Variants in EEF1E1 observed in about 807,000 individuals in gnomAD.
EEF1E1 encodes eukaryotic translation elongation factor 1 epsilon 1.
In EEF1E1, 19 loss-of-function variants were observed where a neutral mutation model predicts 19.9. The observed-to-expected ratio is 0.95, with a 90% confidence interval of 0.66 to 1.40. The LOEUF (loss-of-function observed/expected upper bound fraction) is 1.40. Among genes scored for constraint, EEF1E1 ranks in the 40% most tolerant of loss-of-function variants. The probability of loss-of-function intolerance (pLI) is 0.00; values close to 1 mark genes in which losing one functional copy is unlikely to be tolerated. For synonymous variants in EEF1E1, 81 were observed against 80.0 expected (o/e 1.01, Z -0.07); for missense variants, 198 against 202.2 (o/e 0.98, Z 0.13).
chr6:8,092,210 A>AG (rs1046401043), intron 2 of EEF1E1, among the ~76,000 whole-genome samples: 16 of 152,286 alleles, frequency 1.1e-4, no homozygotes, highest in African/African-American at 3.8e-4. Flanking sequence ...AAATTTGGGG[A>AG]GGGGGAGTCA....
rs568579645 is a variant in EEF1E1, at chr6:8,102,337, A to G, written c.87+98T>C. The G allele has an allele frequency of 9.0e-5, 112 of 1,247,204 alleles. No homozygotes were observed. In the African/African-American group the frequency reaches 1.5e-3, roughly 16 times the overall value. 77.3% of individuals were successfully genotyped at this position (1,247,204 alleles called of 1,614,324 possible). On this transcript the variant is annotated intron_variant, in intron 1 of 3. Coordinates refer to ENST00000379715, the MANE Select transcript of EEF1E1 (RefSeq NM_004280.5). ...TGGGGAGCTGGGTAGCAGCATCCTCACTCCGCCCGTATCTGGTGGCCGGCC... is the reference window on the plus strand; with the variant it reads ...TGGGGAGCTGGGTAGCAGCATCCTCGCTCCGCCCGTATCTGGTGGCCGGCC...
At chr6:8,101,243 A>AAAAAAAAATAT (rs1271033598) in intron 1 of EEF1E1, among the ~76,000 whole-genome samples, 10 of 58,472 alleles carry the variant, frequency 1.7e-4, no homozygotes, top group African/African-American at 7.9e-4. Context: ...AAAAAAAAAA[A>AAAAAAAAATAT]ATATATATAT....
intron 3 of EEF1E1, among the ~76,000 whole-genome samples, chr6:8,084,916 C>G (rs9379164): frequency 0.48 from 73,573 of 151,894 alleles, 17,982 homozygotes; most frequent in Admixed American, 0.53. Context: ...CTTTACCTTG[C>G]AGGCTTTTTT....
intron 1 of EEF1E1, among the ~76,000 whole-genome samples, chr6:8,097,752 C>T (rs929255028): frequency 4.6e-5 from 7 of 152,058 alleles, no homozygotes; most frequent in African/African-American, 1.4e-4. Context: ...AAACTATGTA[C>T]AATGAGAGAA....
At chr6:8,084,482 A>T (rs1404349620) in intron 3 of EEF1E1, among the ~76,000 whole-genome samples, 2 of 152,246 alleles carry the variant, frequency 1.3e-5, no homozygotes, top group African/African-American at 4.8e-5. Context: ...AGAAAATTTA[A>T]TTAAACACTT....
chr6:8,073,464 A>G, exon 4 of EEF1E1: 1 of 1,551,424 alleles, frequency 6.4e-7, no homozygotes. Flanking sequence ...AGTTCCTTGT[A>G]TGATGTTGGG....
intron 3 of EEF1E1, among the ~76,000 whole-genome samples, chr6:8,083,274 G>A (rs1014375191): frequency 2.6e-5 from 4 of 152,254 alleles, no homozygotes; most frequent in African/African-American, 4.8e-5. Flanking sequence ...TGCCGCCTTT[G>A]GGACATTCTT....
chr6:8,090,259 T>C lies in EEF1E1; in HGVS notation c.311A>G (p.Asp104Gly). The C allele has an allele frequency of 2.0e-6, 3 of 1,488,022 alleles. No individual in the cohort carries two copies. Among genetic ancestry groups the C allele is most frequent in the Non-Finnish European group, 2.7e-6 (3 of 1,127,276 alleles). The allele number at this position is 1,488,022 out of a possible 1,614,324, so 92.2% of individuals were successfully genotyped here. A position where few individuals can be genotyped will look rare whatever the true frequency, so the allele number is the denominator to read the frequency against. ...LLKDLNSYLE[D>G]KVYLTGYNFT... Reference sequence around the variant, plus strand: ...GTTATACCCTGTAAGGTAGACTTTATCTTCAAGATATGAATTAAGATCCTA... The same window carrying C: ...GTTATACCCTGTAAGGTAGACTTTACCTTCAAGATATGAATTAAGATCCTA... The change falls in exon 3 of 4, where the codon GAT (aspartate) becomes GGT (glycine). Residue 104 changes from aspartate (D) to glycine (G), a missense_variant. Physicochemically the swap from Asp to Gly is moderately conservative, Grantham distance 94 (BLOSUM62 -1). Transcript: ENST00000379715.
chr6:8,097,206 G>A lies in EEF1E1; in HGVS notation c.288+61C>T. On this transcript the variant is annotated intron_variant, in intron 2 of 3. Transcript: ENST00000379715. ...CAACAGCTACAGCTTTTTAATCTCAGGGGAAAGAGATTTCTGATTAACAGT... is the reference window on the plus strand; with the variant it reads ...CAACAGCTACAGCTTTTTAATCTCAAGGGAAAGAGATTTCTGATTAACAGT... 3 of 1,519,882 alleles carry A rather than the reference G, an allele frequency of 2.0e-6. 1 individual carries two copies. The South Asian group carries it at 3.4e-5, about 17-fold the overall frequency. 94.1% of individuals were successfully genotyped at this position (1,519,882 alleles called of 1,614,324 possible).
downstream of EEF1E1, among the ~76,000 whole-genome samples, chr6:8,076,535 G>A (rs1452947609): frequency 2.0e-5 from 3 of 151,974 alleles, no homozygotes; most frequent in Non-Finnish European, 4.4e-5. Flanking sequence ...GTGTTAGCCA[G>A]GATGGTCTAA....
At position 8,097,282 on chromosome 6, in the gene EEF1E1, G is replaced by C; in HGVS notation, c.273C>G (p.Ile91Met). ...QVDGHSSKND[I>M]HTLLKDLNSY... is the part of the protein sequence containing the mutation. ...GTCACGATACCTTCAACAGTGTGTG[G>C]ATGTCATTTTTACTGGAGTGCCCAT... Residue 91 changes from isoleucine to methionine, a missense_variant, in exon 2 of 4, where the codon ATC becomes ATG. Physicochemically the swap from Ile to Met is conservative, Grantham distance 10. Transcript: ENST00000379715. 6.2e-7 allele frequency: 1 copy of C among 1,614,132 alleles called. No homozygotes were observed. The highest frequency in any genetic ancestry group is 1.3e-5 in the African/African-American group (1 of 75,046).
intron 1 of EEF1E1, among the ~76,000 whole-genome samples, chr6:8,099,791 C>CAAAAAA (rs3031799): frequency 0.017 from 1,962 of 114,250 alleles, 105 homozygotes; most frequent in African/African-American, 0.023. Context: ...CACACACACA[C>CAAAAAA]AAAAAAAAAA....
At chr6:8,094,471 A>G (rs1230873743) in intron 2 of EEF1E1, among the ~76,000 whole-genome samples, 1 of 151,694 alleles carries the variant, frequency 6.6e-6, no homozygotes, top group Non-Finnish European at 1.5e-5. Flanking sequence ...GTGGTGGCAT[A>G]CACCTGTAAT....
At chr6:8,089,651 C>G (rs1033300256) in intron 3 of EEF1E1, among the ~76,000 whole-genome samples, 2 of 152,186 alleles carry the variant, frequency 1.3e-5, no homozygotes, top group Non-Finnish European at 2.9e-5. Flanking sequence ...GTGTTAATCT[C>G]CTTTGGCAAC....
intron 3 of EEF1E1, among the ~76,000 whole-genome samples, chr6:8,089,351 T>C (rs1347872499): frequency 6.6e-6 from 1 of 152,070 alleles, no homozygotes; most frequent in Non-Finnish European, 1.5e-5. Context: ...TACATAAATA[T>C]ATAAAGGGGA....
At chr6:8,092,142 A>G (rs2113655427) in intron 2 of EEF1E1, among the ~76,000 whole-genome samples, 1 of 151,820 alleles carries the variant, frequency 6.6e-6, no homozygotes, top group South Asian at 2.1e-4. Flanking sequence ...GGACCTAATC[A>G]CCCCCAAAGA....
At chr6:8,093,690 C>A (rs1450629803) in intron 2 of EEF1E1, among the ~76,000 whole-genome samples, 1 of 151,422 alleles carries the variant, frequency 6.6e-6, no homozygotes, top group Non-Finnish European at 1.5e-5. Flanking sequence ...CTATACAGCC[C>A]AGTACAAACA....
intron 3 of EEF1E1, among the ~76,000 whole-genome samples, chr6:8,082,128 A>ACACACTAACATACTAAC (rs1304831927): frequency 1.3e-5 from 2 of 152,222 alleles, no homozygotes; most frequent in Non-Finnish European, 2.9e-5. Context: ...TAACATACAG[A>ACACACTAACATACTAAC]ACACAGCAAA....
intron 3 of EEF1E1, among the ~76,000 whole-genome samples, chr6:8,086,216 G>T (rs1053239779): frequency 2.0e-5 from 3 of 152,130 alleles, no homozygotes; most frequent in Admixed American, 2.0e-4. Context: ...CGGTACGTTT[G>T]CGGGGTGAGG....
Sources: gnomAD v4.1 joint callset for allele counts (sites outside exome capture counted in the v4.1 genomes callset) on GRCh38, gnomAD v4.1.1 for gene constraint, MANE v1.5 for transcripts, NCBI Gene and HGNC (gene_info 2026-07-23, HGNC 2026-07-21) for gene names.